TNFRSF10D: variants seen among roughly 807,000 people sequenced by gnomAD.
The protein encoded by TNFRSF10D is tumor necrosis factor receptor superfamily member 10D.
In TNFRSF10D, 28 loss-of-function variants were observed where a neutral mutation model predicts 42.1. The ratio of observed to expected loss-of-function variants is 0.66; its 90% CI spans 0.49 to 0.91. TNFRSF10D has a LOEUF of 0.91. TNFRSF10D is among the 40% of genes least tolerant of loss of function. The pLI is 0.00. For synonymous variants in TNFRSF10D, 186 were observed against 189.4 expected (o/e 0.98, Z 0.15); for missense variants, 503 against 486.1 (o/e 1.03, Z -0.33).
At chr8:23,144,739 AC>A in intron 6 of TNFRSF10D, 104 bp from the exon 7 acceptor site, 1 of 1,393,168 alleles carries the variant, frequency 7.2e-7, no homozygotes, top group Non-Finnish European at 9.7e-7. Flanking sequence ...CAATGAGGTC[AC>A]CCCAGGCAGC....
In TNFRSF10D at chr8:23,137,511, A is replaced by T. The variant is rs138684824; in HGVS notation, c.*359T>A. 5.8e-6 allele frequency: 1 copy of T among 173,478 alleles called. No homozygotes were observed. The highest frequency in any genetic ancestry group is 2.4e-5 in the African/African-American group (1 of 42,174). The allele number at this position is 173,478 out of a possible 1,614,324, so 10.7% of individuals were successfully genotyped here. A position where few individuals can be genotyped will look rare whatever the true frequency, so the allele number is the denominator to read the frequency against. Reference sequence around the variant, plus strand: ...ATTGAGATGGAGTTTCACTGTGTTGATGAGGCTGGTCTCAAACTCCCGAGC... The same window carrying T: ...ATTGAGATGGAGTTTCACTGTGTTGTTGAGGCTGGTCTCAAACTCCCGAGC... On this transcript the variant is annotated 3_prime_UTR_variant, in exon 9 of 9. Coordinates refer to ENST00000312584, the MANE Select transcript of TNFRSF10D (RefSeq NM_003840.5).
In TNFRSF10D at chr8:23,137,980, C is replaced by T; in HGVS notation, c.1051G>A (p.Ala351Thr). ...TTTGCATGTCCTTCTTCCAGTGTTG[C>T]CGAGGCATCCAGCAAGGTGCTGACT... Reference protein sequence around the residue: ...ADISTLLDASATLEEGHAKET... With the variant: ...ADISTLLDASTTLEEGHAKET... Residue 351 changes from alanine (A) to threonine (T), a missense_variant, in exon 9 of 9, where the codon GCA (alanine) becomes ACA (threonine). Coordinates refer to ENST00000312584, the MANE Select transcript of TNFRSF10D (RefSeq NM_003840.5). 3.1e-6 allele frequency: 5 copies of T among 1,614,180 alleles called. No individual in the cohort carries two copies. Among genetic ancestry groups the T allele is most frequent in the Non-Finnish European group, 4.2e-6 (5 of 1,180,030 alleles).
chr8:23,149,385 C>G (rs1011120713), intron 2 of TNFRSF10D, among the ~76,000 whole-genome samples: 4 of 151,064 alleles, frequency 2.6e-5, no homozygotes, highest in Admixed American at 2.6e-4. Context: ...TTACAGGCAC[C>G]CACCACCACG....
intron 2 of TNFRSF10D, among the ~76,000 whole-genome samples, chr8:23,153,891 C>T (rs181124287): frequency 6.0e-3 from 920 of 152,130 alleles, no homozygotes; most frequent in African/African-American, 0.019. Flanking sequence ...AAGGAAATGA[C>T]ATCAGTATGT....
chr8:23,154,218 C>T (rs907200988), intron 2 of TNFRSF10D, among the ~76,000 whole-genome samples: 16 of 152,066 alleles, frequency 1.1e-4, no homozygotes, highest in African/African-American at 2.9e-4. Flanking sequence ...TGTATTTGCA[C>T]GGTGGGTTGG....
chr8:23,145,167 G>C (rs1800097265), intron 5 of TNFRSF10D, 78 bp from the exon 6 acceptor site: 2 of 1,584,020 alleles, frequency 1.3e-6, no homozygotes, highest in Admixed American at 3.5e-5. Flanking sequence ...GTGGGGCGCA[G>C]GGCTGGCTGG....
chr8:23,137,327 G>A lies in TNFRSF10D; in HGVS notation c.*543C>T, dbSNP rs1047958126. ...CCGTTCTAAAGTTAAAAAACTATAA[G>A]GCAAAGCATTGTGGCTGTGCGGCAT... On this transcript the variant is annotated 3_prime_UTR_variant, in exon 9 of 9. Transcript: ENST00000312584. 1 of 152,366 alleles carries A rather than the reference G, an allele frequency of 6.6e-6. No individual in the cohort carries two copies. Among genetic ancestry groups the A allele is most frequent in the Non-Finnish European group, 1.5e-5 (1 of 68,224 alleles). The allele number at this position is 152,366 out of a possible 1,614,324, so 9.4% of individuals were successfully genotyped here. A position where few individuals can be genotyped will look rare whatever the true frequency, so the allele number is the denominator to read the frequency against.
chr8:23,147,137 C>A, intron 3 of TNFRSF10D, 65 bp from the exon 4 acceptor site: 1 of 1,342,144 alleles, frequency 7.5e-7, no homozygotes, highest in Non-Finnish European at 1.1e-6. Context: ...CCTTCCTCAC[C>A]ACCCCATCCC....
rs571056857 is a variant in TNFRSF10D, at chr8:23,160,693, C to T, written c.150+3093G>A. On this transcript the variant is annotated intron_variant, in intron 1 of 8. Coordinates refer to ENST00000312584, the MANE Select transcript of TNFRSF10D (RefSeq NM_003840.5). ...CTGTCCCCACTGTCTCCATCCCCAA[C>T]CTGGAAGCTAGAGCCTCGCTACCCT... Among the ~76,000 whole-genome samples the T allele has an allele frequency of 1.5e-4, 23 of 152,304 alleles. No individual in the cohort carries two copies. The South Asian group carries it at 4.8e-3, about 32-fold the overall frequency.
chr8:23,139,029 T>C (rs1814396585), intron 7 of TNFRSF10D, among the ~76,000 whole-genome samples: 1 of 151,840 alleles, frequency 6.6e-6, no homozygotes, highest in African/African-American at 2.4e-5. Flanking sequence ...GCAAGACTTT[T>C]GGAAGAGGGC....
At chr8:23,155,103 C>T in intron 1 of TNFRSF10D, 124 bp from the exon 2 acceptor site, 3 of 738,996 alleles carry the variant, frequency 4.1e-6, no homozygotes, top group Non-Finnish European at 6.4e-6. Context: ...TTTCCCATTC[C>T]AAACTTTCAT....
At chr8:23,156,414 G>C (rs1157821163) in intron 1 of TNFRSF10D, among the ~76,000 whole-genome samples, 1 of 152,166 alleles carries the variant, frequency 6.6e-6, no homozygotes, top group East Asian at 1.9e-4. Context: ...CTGCCTAGTA[G>C]TTGGTGACAG....
At chr8:23,158,440 C>T (rs1292362612) in intron 1 of TNFRSF10D, among the ~76,000 whole-genome samples, 1 of 152,216 alleles carries the variant, frequency 6.6e-6, no homozygotes, top group Non-Finnish European at 1.5e-5. Context: ...CCACAGACAG[C>T]ATCTGTGTCT....
chr8:23,155,587 C>T lies in TNFRSF10D; in HGVS notation c.151-608G>A, dbSNP rs577477297. Among the ~76,000 whole-genome samples the T allele has an allele frequency of 9.2e-5, 14 of 151,846 alleles. No individual in the cohort carries two copies. The South Asian group carries it at 2.3e-3, about 25-fold the overall frequency. On this transcript the variant is annotated intron_variant, in intron 1 of 8. Coordinates refer to ENST00000312584, the MANE Select transcript of TNFRSF10D (RefSeq NM_003840.5). ...ACAAAAAATTAGCTGGGCATGGTGG[C>T]GGGCACCTGTAACCCCAGCTACTTG...
At chr8:23,155,446 G>A (rs1455533929) in intron 1 of TNFRSF10D, among the ~76,000 whole-genome samples, 4 of 152,156 alleles carry the variant, frequency 2.6e-5, no homozygotes, top group East Asian at 1.9e-4. Context: ...AAGGCCAGGC[G>A]CGGTGGCTCA....
intron 1 of TNFRSF10D, among the ~76,000 whole-genome samples, chr8:23,159,364 CA>C (rs1800329742): frequency 6.6e-6 from 1 of 152,122 alleles, no homozygotes; most frequent in South Asian, 2.1e-4. Context: ...TGAAAGTCCC[CA>C]GGGAAACATA....
At position 23,149,189 on chromosome 8, in the gene TNFRSF10D, C is replaced by CAA. The variant is rs370400558; in HGVS notation, c.257-640_257-639dup. 6.6e-3 allele frequency among the ~76,000 whole-genome samples: 567 copies of CAA among 85,470 alleles called. 5 individuals carry two copies. Among genetic ancestry groups the CAA allele is most frequent in the Middle Eastern group, 0.017 (3 of 178 alleles). 56.1% of individuals were successfully genotyped at this position (85,470 alleles called of 152,430 possible). ...TGGGCGACAGAGCAAGACTCTGTCT[C>CAA]AAAAAAAAAAAAAAAAAAGAAAAGA... On this transcript the variant is annotated intron_variant, in intron 2 of 8. Transcript: ENST00000312584.
intron 4 of TNFRSF10D, 28 bp from the exon 5 acceptor site, chr8:23,145,949 G>A: frequency 1.2e-6 from 2 of 1,613,598 alleles, no homozygotes; most frequent in South Asian, 1.1e-5. Flanking sequence ...GGGAGACAGG[G>A]ACTCTTGATG....
chr8:23,163,589 C>T (rs1377414609), intron 1 of TNFRSF10D, among the ~76,000 whole-genome samples, 197 bp downstream of exon 1: 1 of 152,162 alleles, frequency 6.6e-6, no homozygotes, highest in Non-Finnish European at 1.5e-5. Flanking sequence ...GCGCTCTGCT[C>T]CCTCGCGGCC....
Sources: gnomAD v4.1 joint callset for allele counts (sites outside exome capture counted in the v4.1 genomes callset) on GRCh38, gnomAD v4.1.1 for gene constraint, MANE v1.5 for transcripts, NCBI Gene and HGNC (gene_info 2026-07-23, HGNC 2026-07-21) for gene names.